ARHGAP44: variants seen among roughly 807,000 people sequenced by gnomAD.
ARHGAP44 encodes the protein Rho GTPase activating protein 44, also known as rho GTPase-activating protein 44.
In ARHGAP44, 43 loss-of-function variants were observed where a neutral mutation model predicts 106.8. The observed-to-expected ratio is 0.40, with a 90% confidence interval of 0.32 to 0.52. ARHGAP44 has a LOEUF of 0.52. ARHGAP44 is among the 20% of genes least tolerant of loss of function. ARHGAP44 has a pLI of 0.48. For synonymous variants in ARHGAP44, 439 were observed against 410.3 expected (o/e 1.07, Z -0.85); for missense variants, 866 against 1,050.5 (o/e 0.82, Z 2.43).
At chr17:12,970,966 C>T (rs779494290) in intron 16 of ARHGAP44, among the ~76,000 whole-genome samples, 2 of 152,094 alleles carry the variant, frequency 1.3e-5, no homozygotes, top group Non-Finnish European at 2.9e-5. Flanking sequence ...ATTGCTGCTG[C>T]CGTTGTGATT....
At chr17:12,986,157 G>A (rs2039950620) in intron 20 of ARHGAP44, 1 of 152,006 alleles carries the variant, frequency 6.6e-6, no homozygotes, top group South Asian at 2.1e-4. Context: ...ATTTTTGGAT[G>A]TGATTAATGT....
chr17:12,984,162 G>C (rs1460776132), intron 19 of ARHGAP44, among the ~76,000 whole-genome samples: 1 of 152,208 alleles, frequency 6.6e-6, no homozygotes, highest in Non-Finnish European at 1.5e-5. Context: ...ACTCACTCTT[G>C]CTCAGAGAGT....
intron 19 of ARHGAP44, 186 bp from the exon 20 acceptor site, chr17:12,984,345 T>A (rs908376245): frequency 6.1e-6 from 3 of 494,614 alleles, no homozygotes; most frequent in Admixed American, 4.3e-5. Context: ...GGTTAATTTT[T>A]AAAAATTGTA....
Position 12,978,035 on chromosome 17 carries a change from T to TAAAAAAAAAAAAAAAAAAAA in ARHGAP44, c.1764-2023_1764-2022insAAAAAAAAAAAAAAAAAAAA, listed in dbSNP as rs757585682. Among the ~76,000 whole-genome samples, 282 of 55,472 alleles carry TAAAAAAAAAAAAAAAAAAAA rather than the reference T, an allele frequency of 5.1e-3. 79 individuals are homozygous for TAAAAAAAAAAAAAAAAAAAA. Among genetic ancestry groups the TAAAAAAAAAAAAAAAAAAAA allele is most frequent in the East Asian group, 0.03 (62 of 2,084 alleles). 36.4% of individuals were successfully genotyped at this position (55,472 alleles called of 152,430 possible). A position where few individuals can be genotyped will look rare whatever the true frequency, so the allele number is the denominator to read the frequency against. ...CTGGGCAACAGAGCAAGACTCCATCTCAAAAAAAAAAAAAAAAAAAAGTGT... is the reference window on the plus strand; with the variant it reads ...CTGGGCAACAGAGCAAGACTCCATCTAAAAAAAAAAAAAAAAAAAACAAAAAAAAAAAAAAAAAAAAGTGT... On this transcript the variant is annotated intron_variant, in intron 18 of 20. Coordinates refer to ENST00000379672, the MANE Select transcript of ARHGAP44 (RefSeq NM_014859.6).
At chr17:12,902,866 C>T (rs1170759042) in intron 3 of ARHGAP44, among the ~76,000 whole-genome samples, 1 of 152,096 alleles carries the variant, frequency 6.6e-6, no homozygotes, top group Admixed American at 6.6e-5. Context: ...CACGTACATG[C>T]CTTGTGCAAT....
At chr17:12,887,433 G>A (rs564061174) in intron 1 of ARHGAP44, among the ~76,000 whole-genome samples, 32 of 152,152 alleles carry the variant, frequency 2.1e-4, no homozygotes, top group Non-Finnish European at 4.3e-4. Flanking sequence ...TAAAGTTGGG[G>A]TTTTATTATG....
intron 1 of ARHGAP44, among the ~76,000 whole-genome samples, chr17:12,842,945 G>A (rs903750921): frequency 6.6e-6 from 1 of 152,120 alleles, no homozygotes; most frequent in African/African-American, 2.4e-5. Flanking sequence ...GGTGCAGAAG[G>A]TCAGTATATT....
In ARHGAP44 at chr17:12,984,826, A is replaced by G. The variant is rs769452778; in HGVS notation, c.2235A>G (p.Thr745=). Residue 745 remains threonine, a synonymous_variant, in exon 20 of 21, where the codon ACA becomes ACG. Coordinates refer to ENST00000379672, the MANE Select transcript of ARHGAP44 (RefSeq NM_014859.6). The stretch of plus-strand genomic sequence containing the variant: ...CTCTGCCGCCTCCTCAGCCTCCCAC[A>G]GTAAACCTCTCGGCCTCTAGTCCAC... ...RPTLPPPQPP[T]VNLSASSPQS... 1.9e-6 allele frequency: 3 copies of G among 1,613,844 alleles called. No homozygotes were observed. The highest frequency in any genetic ancestry group is 2.7e-5 in the African/African-American group (2 of 74,924).
intron 1 of ARHGAP44, among the ~76,000 whole-genome samples, chr17:12,800,964 G>A (rs2034074527): frequency 6.6e-6 from 1 of 152,202 alleles, no homozygotes; most frequent in African/African-American, 2.4e-5. Context: ...GTTCATTTAA[G>A]ATAATTGAGT....
At chr17:12,950,057 A>G (rs1244108232) in intron 12 of ARHGAP44, among the ~76,000 whole-genome samples, 3 of 152,242 alleles carry the variant, frequency 2.0e-5, no homozygotes, top group Non-Finnish European at 4.4e-5. Flanking sequence ...ATAAATAGAT[A>G]ATGAAAGGAA....
At chr17:12,976,990 G>A (rs2039700365) in intron 18 of ARHGAP44, among the ~76,000 whole-genome samples, 1 of 151,752 alleles carries the variant, frequency 6.6e-6, no homozygotes, top group Non-Finnish European at 1.5e-5. Context: ...TATGGTATTT[G>A]GCATATAAAT....
intron 3 of ARHGAP44, among the ~76,000 whole-genome samples, chr17:12,904,884 C>A (rs1041225244): frequency 6.6e-6 from 1 of 151,932 alleles, no homozygotes; most frequent in Non-Finnish European, 1.5e-5. Context: ...TATAAATCCT[C>A]TAGCATCTTT....
In ARHGAP44 at chr17:12,903,341, C is replaced by A. The variant is rs578012129; in HGVS notation, c.199-5556C>A. Among the ~76,000 whole-genome samples the A allele has an allele frequency of 1.1e-4, 17 of 152,128 alleles. No homozygotes were observed. The South Asian group carries it at 3.5e-3, about 32-fold the overall frequency. On this transcript the variant is annotated intron_variant, in intron 3 of 20. Coordinates refer to ENST00000379672, the MANE Select transcript of ARHGAP44 (RefSeq NM_014859.6). ...CTCTGGGACAGTCTGTCTTTCCTTC[C>A]CTTAATTCTCAAGGTTCTATCTGCA... is the stretch of plus-strand genomic sequence containing the variant.
chr17:12,903,140 A>AGAGTGT (rs1403029479), intron 3 of ARHGAP44, among the ~76,000 whole-genome samples: 12 of 57,584 alleles, frequency 2.1e-4, no homozygotes, highest in Non-Finnish European at 3.0e-4. Context: ...AGAGAGAGAG[A>AGAGTGT]GTGTGTGTGT....
chr17:12,927,545 A>G (rs548146898), intron 6 of ARHGAP44, among the ~76,000 whole-genome samples: 35 of 152,318 alleles, frequency 2.3e-4, no homozygotes, highest in African/African-American at 8.4e-4. Context: ...GTATGCTGTT[A>G]GCCTGCATGG....
chr17:12,816,601 G>T (rs1388053098), intron 1 of ARHGAP44, among the ~76,000 whole-genome samples: 1 of 152,140 alleles, frequency 6.6e-6, no homozygotes, highest in Non-Finnish European at 1.5e-5. Flanking sequence ...TCAAAAGAAA[G>T]GTGGGGTGTA....
chr17:12,817,456 C>T (rs2034631356), intron 1 of ARHGAP44, among the ~76,000 whole-genome samples: 1 of 151,706 alleles, frequency 6.6e-6, no homozygotes, highest in South Asian at 2.1e-4. Context: ...ATATAAGGTT[C>T]TACCTTAAGA....
chr17:12,950,892 C>T (rs2038977104), intron 12 of ARHGAP44, among the ~76,000 whole-genome samples: 1 of 152,114 alleles, frequency 6.6e-6, no homozygotes, highest in African/African-American at 2.4e-5. Flanking sequence ...TTTCTCATTA[C>T]CTGTCAGGAA....
intron 1 of ARHGAP44, among the ~76,000 whole-genome samples, chr17:12,884,890 ATTTT>A (rs1468442374): frequency 2.7e-5 from 4 of 150,498 alleles, no homozygotes; most frequent in Non-Finnish European, 5.9e-5. Flanking sequence ...CTTGCTAAGC[ATTTT>A]TTGTTTGTTT....
Sources: gnomAD v4.1 joint callset for allele counts (sites outside exome capture counted in the v4.1 genomes callset) on GRCh38, gnomAD v4.1.1 for gene constraint, MANE v1.5 for transcripts, NCBI Gene and HGNC (gene_info 2026-07-23, HGNC 2026-07-21) for gene names.